RHCG: variants seen among roughly 807,000 people sequenced by gnomAD.
RHCG encodes the protein Rh family C glycoprotein.
A neutral mutation model predicts 55.3 loss-of-function variants in RHCG; 39 were observed. That is an observed-to-expected ratio of 0.70 (90% CI 0.55 to 0.92). The LOEUF (loss-of-function observed/expected upper bound fraction) is 0.92, where lower values mean the gene tolerates loss of function less well. Among genes scored for constraint, RHCG ranks in the 40% least tolerant of loss-of-function variants. RHCG has a pLI of 0.00. For synonymous variants in RHCG, 250 were observed against 246.8 expected (o/e 1.01, Z -0.12); for missense variants, 635 against 627.9 (o/e 1.01, Z -0.12).
At chr15:89,472,901 A>T in intron 9 of RHCG, 38 bp from the exon 10 acceptor site, 1 of 1,394,018 alleles carries the variant, frequency 7.2e-7, no homozygotes, top group Non-Finnish European at 9.4e-7. Flanking sequence ...GCCCTGTCCC[A>T]GTCCAGGCAA....
At chr15:89,491,659 C>T (rs1436173778) in intron 1 of RHCG, among the ~76,000 whole-genome samples, 1 of 151,884 alleles carries the variant, frequency 6.6e-6, no homozygotes, top group African/African-American at 2.4e-5. Flanking sequence ...CCCAGCTACT[C>T]GAGAGGCAGA....
chr15:89,482,449 A>T (rs1458146447), intron 3 of RHCG, among the ~76,000 whole-genome samples: 1 of 152,138 alleles, frequency 6.6e-6, no homozygotes, highest in Non-Finnish European at 1.5e-5. Context: ...TTCCAGACAG[A>T]GTCCAAACGT....
chr15:89,476,162 G>T (rs912687223), intron 9 of RHCG, among the ~76,000 whole-genome samples: 3 of 151,986 alleles, frequency 2.0e-5, no homozygotes, highest in African/African-American at 7.3e-5. Flanking sequence ...CACCTCCTGG[G>T]CTCAAGCGAT....
chr15:89,481,770 A>G (rs1420441537), intron 3 of RHCG, among the ~76,000 whole-genome samples: 1 of 152,104 alleles, frequency 6.6e-6, no homozygotes, highest in Non-Finnish European at 1.5e-5. Context: ...ATGGTCTTCT[A>G]TGCACTATTT....
rs1473877103 is a variant in RHCG at position 89,477,666 on chromosome 15, G to C, written c.976-13C>G. The C allele has an allele frequency of 6.2e-7, 1 of 1,613,858 alleles. No individual in the cohort carries two copies. Among genetic ancestry groups the C allele is most frequent in the Non-Finnish European group, 8.5e-7 (1 of 1,179,966 alleles). ...ACTCCAGGAATGGCTGGAGACGGGAGGTGGGTGCTGCTCAGGCCGGGGGCT... is the reference window on the plus strand; with the variant it reads ...ACTCCAGGAATGGCTGGAGACGGGACGTGGGTGCTGCTCAGGCCGGGGGCT... On this transcript the variant is annotated splice_polypyrimidine_tract_variant and intron_variant, in intron 6 of 10. Coordinates refer to ENST00000268122, the MANE Select transcript of RHCG (RefSeq NM_016321.3). This position sits in a 1 kb window ranked among gnomAD's most constrained non-coding sequence, Gnocchi z 4.5.
chr15:89,484,917 T>G (rs1343608039), intron 2 of RHCG, among the ~76,000 whole-genome samples: 1 of 152,122 alleles, frequency 6.6e-6, no homozygotes, highest in Admixed American at 6.5e-5. Flanking sequence ...AGAGGGGCAC[T>G]TTCTACAGTG....
chr15:89,479,177 A>C, intron 5 of RHCG, 145 bp downstream of exon 5: 2 of 751,270 alleles, frequency 2.7e-6, no homozygotes, highest in Non-Finnish European at 4.1e-6. Context: ...AAAACTGGCC[A>C]TGTGCTCAAA....
At chr15:89,488,778 G>T (rs527298022) in intron 1 of RHCG, among the ~76,000 whole-genome samples, 7 of 151,750 alleles carry the variant, frequency 4.6e-5, no homozygotes, top group South Asian at 2.1e-4. Context: ...GAGAATGGGG[G>T]GGGGGGAGTG....
intron 4 of RHCG, chr15:89,479,801 A>T: frequency 2.4e-6 from 1 of 415,336 alleles, no homozygotes. Context: ...TCCACATGGC[A>T]CTGCTTTCTC....
At chr15:89,489,809 A>G (rs527777357) in intron 1 of RHCG, among the ~76,000 whole-genome samples, 1 of 152,210 alleles carries the variant, frequency 6.6e-6, no homozygotes, top group South Asian at 2.1e-4. Context: ...TTCTCCCCCT[A>G]TGGCACCCTG....
At chr15:89,490,235 GT>G (rs1384900458) in intron 1 of RHCG, among the ~76,000 whole-genome samples, 2 of 152,232 alleles carry the variant, frequency 1.3e-5, no homozygotes, top group Admixed American at 6.5e-5. Context: ...GCCCTCATCT[GT>G]TTCCCTTCCA....
At chr15:89,494,794 G>A (rs1040285793) in intron 1 of RHCG, among the ~76,000 whole-genome samples, 10 of 152,070 alleles carry the variant, frequency 6.6e-5, no homozygotes, top group African/African-American at 9.7e-5. Flanking sequence ...ACAGGTGTGA[G>A]CCATCGCACC....
intron 1 of RHCG, among the ~76,000 whole-genome samples, chr15:89,488,123 C>A (rs912760126): frequency 6.6e-6 from 1 of 152,130 alleles, no homozygotes; most frequent in Non-Finnish European, 1.5e-5. Flanking sequence ...GGAAGGGCTC[C>A]CACTGGCCAA....
intron 1 of RHCG, among the ~76,000 whole-genome samples, chr15:89,491,331 C>T (rs1444858831): frequency 6.6e-6 from 1 of 152,214 alleles, no homozygotes; most frequent in Non-Finnish European, 1.5e-5. Context: ...GTCAGGAACA[C>T]AGACACCCAC....
chr15:89,476,712 A>G (rs1961155441), intron 9 of RHCG, 43 bp downstream of exon 9: 3 of 1,527,066 alleles, frequency 2.0e-6, no homozygotes, highest in African/African-American at 1.4e-5. Context: ...CAGGGAGGGA[A>G]CGCAGCTGCC....
At chr15:89,486,595 AGAGAGT>A (rs1168380092) in intron 2 of RHCG, 198 bp downstream of exon 2, 107 of 333,462 alleles carry the variant, frequency 3.2e-4, no homozygotes, top group African/African-American at 6.6e-4. Context: ...AGAGAGAGAG[AGAGAGT>A]GTGTGTGTGT....
At position 89,486,886 on chromosome 15, in the gene RHCG, A is replaced by G; in HGVS notation, c.284T>C (p.Leu95Ser). 1 of 1,613,026 alleles carries G rather than the reference A, an allele frequency of 6.2e-7. No homozygotes were observed. The highest frequency in any genetic ancestry group is 1.7e-4 in the Middle Eastern group (1 of 6,060). ...GFSAVGFNFLLAAFGIQWALL... is the reference protein window; with the variant it reads ...GFSAVGFNFLSAAFGIQWALL... ...CGCCCACTGGATGCCGAAGGCTGCC[A>G]ACAGGAAGTTGAAGCCCACGGCGCT... Residue 95 changes from leucine to serine, a missense_variant, in exon 2 of 11, where the codon TTG becomes TCG. Coordinates refer to ENST00000268122, the MANE Select transcript of RHCG (RefSeq NM_016321.3).
At chr15:89,492,482 C>T (rs536592247) in intron 1 of RHCG, among the ~76,000 whole-genome samples, 2 of 152,292 alleles carry the variant, frequency 1.3e-5, no homozygotes, top group African/African-American at 4.8e-5. Context: ...CCAATTCCCC[C>T]AAGACTCCGT....
chr15:89,474,615 C>T (rs1395743883), intron 9 of RHCG, among the ~76,000 whole-genome samples: 1 of 152,250 alleles, frequency 6.6e-6, no homozygotes, highest in African/African-American at 2.4e-5. Flanking sequence ...TTTAAGGAAA[C>T]TGAGTTCTGT....
Sources: allele counts gnomAD v4.1 joint callset (sites outside exome capture counted in the v4.1 genomes callset), GRCh38; gene constraint gnomAD v4.1.1; non-coding constraint Gnocchi (gnomAD v3.1); transcripts MANE v1.5; gene names NCBI Gene and HGNC (gene_info 2026-07-23, HGNC 2026-07-21).